SEZ6L: variants seen among roughly 807,000 people sequenced by gnomAD.
SEZ6L encodes the protein seizure related 6 homolog like.
SEZ6L carries 37 observed loss-of-function variants against 106.2 expected under a neutral mutation model. That is an observed-to-expected ratio of 0.35 (90% confidence interval 0.27 to 0.46). The LOEUF (loss-of-function observed/expected upper bound fraction) is 0.46, where lower values mean the gene tolerates loss of function less well. Among genes scored for constraint, SEZ6L ranks in the 20% least tolerant of loss-of-function variants. The pLI, the probability that SEZ6L is intolerant of heterozygous loss-of-function variation, is 1.00. For synonymous variants in SEZ6L, 541 were observed against 570.4 expected, an observed-to-expected ratio of 0.95 and a Z score of 0.73; for missense variants, 1,172 against 1,332.8, an observed-to-expected ratio of 0.88 and a Z score of 1.88.
chr22:26,295,321 C>A lies in SEZ6L; in HGVS notation c.969+896C>A, dbSNP rs139457594. Reference sequence around the variant, plus strand: ...TCGCGACCATGCAGTGCATGTTATCCATTATCTTCAGTATGCTAATCACCC... The same window carrying A: ...TCGCGACCATGCAGTGCATGTTATCAATTATCTTCAGTATGCTAATCACCC... On this transcript the variant is annotated intron_variant, in intron 3 of 16. Transcript: ENST00000248933. Among the ~76,000 whole-genome samples the A allele has an allele frequency of 7.0e-3, 1,065 of 152,290 alleles. 8 individuals are homozygous for A. The highest frequency in any genetic ancestry group is 0.024 in the African/African-American group (1,007 of 41,548).
At chr22:26,238,333 G>A (rs2079012626) in intron 1 of SEZ6L, among the ~76,000 whole-genome samples, 1 of 152,250 alleles carries the variant, frequency 6.6e-6, no homozygotes, top group African/African-American at 2.4e-5. Context: ...AACACAGAAG[G>A]ATGTGCAAGA....
rs1291852899 is a variant in SEZ6L, at chr22:26,380,513, T to C, written c.*218T>C. On this transcript the variant is annotated 3_prime_UTR_variant, in exon 17 of 17. Coordinates refer to ENST00000248933, the MANE Select transcript of SEZ6L (RefSeq NM_021115.5). ...TGTTTCGCGGCCTCAGCCAAATTCA[T>C]GTTACAGCCTCAATTCTGAAGGCAG... The C allele has an allele frequency of 4.6e-6, 2 of 438,040 alleles. No homozygotes were observed. The highest frequency in any genetic ancestry group is 3.3e-5 in the East Asian group (1 of 30,634). The allele number at this position is 438,040 out of a possible 1,614,324, so 27.1% of individuals were successfully genotyped here. A position where few individuals can be genotyped will look rare whatever the true frequency, so the allele number is the denominator to read the frequency against.
intron 1 of SEZ6L, among the ~76,000 whole-genome samples, chr22:26,189,537 G>T (rs542177246): frequency 4.3e-4 from 65 of 152,144 alleles, no homozygotes; most frequent in African/African-American, 1.5e-3. Flanking sequence ...TACAATGATA[G>T]AAAATAATAC....
intron 14 of SEZ6L, 77 bp from the exon 15 acceptor site, chr22:26,375,498 T>C (rs1218311543): frequency 2.6e-6 from 3 of 1,169,378 alleles, no homozygotes; most frequent in Middle Eastern, 2.4e-4. Context: ...TCCAAAGGGG[T>C]GGAGAACTGG....
intron 1 of SEZ6L, among the ~76,000 whole-genome samples, chr22:26,265,927 C>T (rs541438698): frequency 6.6e-6 from 1 of 152,314 alleles, no homozygotes; most frequent in East Asian, 1.9e-4. Flanking sequence ...CTGTGGCTCC[C>T]TGGAGGAGCT....
At chr22:26,334,801 C>T (rs2082594992) in intron 9 of SEZ6L, among the ~76,000 whole-genome samples, 1 of 152,136 alleles carries the variant, frequency 6.6e-6, no homozygotes, top group African/African-American at 2.4e-5. Context: ...TGAGAAGGGC[C>T]AGAGTGGGCA....
At chr22:26,210,882 C>T (rs1014344713) in intron 1 of SEZ6L, among the ~76,000 whole-genome samples, 10 of 152,198 alleles carry the variant, frequency 6.6e-5, no homozygotes, top group African/African-American at 2.4e-4. Flanking sequence ...CAATGTCAGG[C>T]ATCCCTAGAA....
At chr22:26,364,563 G>A (rs1410020342) in intron 12 of SEZ6L, among the ~76,000 whole-genome samples, 1 of 152,156 alleles carries the variant, frequency 6.6e-6, no homozygotes, top group South Asian at 2.1e-4. Context: ...CTGCACTCCA[G>A]CCTGGGTGTC....
intron 12 of SEZ6L, among the ~76,000 whole-genome samples, chr22:26,357,993 C>T (rs1374690194): frequency 6.6e-6 from 1 of 152,132 alleles, no homozygotes; most frequent in Non-Finnish European, 1.5e-5. Context: ...AGCCCTGAGC[C>T]CAGAACACCT....
At chr22:26,317,552 T>C (rs1236616440) in intron 9 of SEZ6L, among the ~76,000 whole-genome samples, 3 of 151,962 alleles carry the variant, frequency 2.0e-5, no homozygotes, top group Non-Finnish European at 2.9e-5. Context: ...ATCTTTACTT[T>C]CATCATCTCT....
intron 1 of SEZ6L, among the ~76,000 whole-genome samples, chr22:26,204,029 G>A (rs1358100161): frequency 2.6e-5 from 4 of 152,158 alleles, no homozygotes; most frequent in African/African-American, 9.7e-5. Flanking sequence ...CAAATCTCCA[G>A]ACACCCTAAT....
intron 1 of SEZ6L, among the ~76,000 whole-genome samples, chr22:26,250,852 T>C (rs982509131): frequency 6.6e-6 from 1 of 152,220 alleles, no homozygotes; most frequent in Non-Finnish European, 1.5e-5. Context: ...GTTCATAGCT[T>C]TCCTTATAGA....
At chr22:26,218,203 T>C (rs1461531790) in intron 1 of SEZ6L, among the ~76,000 whole-genome samples, 1 of 152,214 alleles carries the variant, frequency 6.6e-6, no homozygotes. Flanking sequence ...TTTGCAACCC[T>C]AACCAAAGCC....
intron 1 of SEZ6L, among the ~76,000 whole-genome samples, chr22:26,187,238 G>A (rs1434768085): frequency 2.0e-5 from 3 of 152,222 alleles, no homozygotes; most frequent in Non-Finnish European, 4.4e-5. Flanking sequence ...TGGCAGGAGA[G>A]AGAAGTGCCA....
At chr22:26,268,444 C>T (rs2080257874) in intron 1 of SEZ6L, among the ~76,000 whole-genome samples, 1 of 152,200 alleles carries the variant, frequency 6.6e-6, no homozygotes, top group East Asian at 1.9e-4. Flanking sequence ...AAATTAGCTT[C>T]CTAAACTGGT....
At chr22:26,372,168 G>C (rs2084058663) in intron 13 of SEZ6L, among the ~76,000 whole-genome samples, 1 of 152,202 alleles carries the variant, frequency 6.6e-6, no homozygotes, top group Admixed American at 6.5e-5. Context: ...GGATGCATCA[G>C]AACTGCTGAG....
At chr22:26,192,164 A>G (rs1358748723) in intron 1 of SEZ6L, among the ~76,000 whole-genome samples, 1 of 152,114 alleles carries the variant, frequency 6.6e-6, no homozygotes, top group Non-Finnish European at 1.5e-5. Flanking sequence ...TTATCAATGC[A>G]TCCTTTTATC....
intron 1 of SEZ6L, among the ~76,000 whole-genome samples, chr22:26,203,942 T>TACCC (rs1941141784): frequency 6.6e-6 from 1 of 152,162 alleles, no homozygotes; most frequent in Non-Finnish European, 1.5e-5. Context: ...TGCCCTACAT[T>TACCC]TGATGAGGCA....
At chr22:26,287,975 A>G (rs112026412) in intron 1 of SEZ6L, among the ~76,000 whole-genome samples, 27 of 152,256 alleles carry the variant, frequency 1.8e-4, no homozygotes, top group African/African-American at 6.5e-4. Context: ...TCCTTCTTAG[A>G]GTGGTTTATA....
Sources: allele counts gnomAD v4.1 joint callset (sites outside exome capture counted in the v4.1 genomes callset), GRCh38; gene constraint gnomAD v4.1.1; transcripts MANE v1.5; gene names NCBI Gene and HGNC (gene_info 2026-07-23, HGNC 2026-07-21).